Variants in DNAJB13 observed in about 807,000 individuals in gnomAD.
DNAJB13 encodes dnaJ homolog subfamily B member 13.
A neutral mutation model predicts 35.6 loss-of-function variants in DNAJB13; 22 were observed. The ratio of observed to expected loss-of-function variants is 0.62; its 90% CI spans 0.44 to 0.88. The LOEUF (loss-of-function observed/expected upper bound fraction) is 0.88, where lower values mean the gene tolerates loss of function less well. Ranked by LOEUF, DNAJB13 falls within the 40% of genes least tolerant of loss-of-function variation. The pLI, the probability that DNAJB13 is intolerant of heterozygous loss-of-function variation, is 0.00. For synonymous variants in DNAJB13, 136 were observed against 144.2 expected (o/e 0.94, Z 0.41); for missense variants, 370 against 384.3 (o/e 0.96, Z 0.31).
intron 3 of DNAJB13, chr11:73,964,572 G>A (rs1187656032): frequency 5.8e-6 from 2 of 345,428 alleles, no homozygotes; most frequent in East Asian, 1.5e-4. Context: ...AAGAGAGACG[G>A]GGAAGCGTTG....
chr11:73,964,736 A>T (rs566376042), intron 3 of DNAJB13, 142 bp from the exon 4 acceptor site: 33 of 897,542 alleles, frequency 3.7e-5, no homozygotes, highest in Non-Finnish European at 5.7e-5. Flanking sequence ...GACACTGAAG[A>T]GGTTGGGGAG....
chr11:73,951,558 C>G (rs71464099), intron 1 of DNAJB13, among the ~76,000 whole-genome samples: 8,157 of 152,308 alleles, frequency 0.054, 257 homozygotes, highest in Middle Eastern at 0.099. Context: ...AAACTACATT[C>G]CTGAATACTT....
intron 4 of DNAJB13, 163 bp from the exon 5 acceptor site, chr11:73,965,975 G>A (rs1304964606): frequency 1.5e-6 from 1 of 658,616 alleles, no homozygotes; most frequent in South Asian, 1.8e-5. Context: ...CCCATTGCTG[G>A]AGGCTCTTCC....
rs76033895 is a variant in DNAJB13 at position 73,952,179 on chromosome 11, G to A, written c.68+1042G>A. ...TATGGGGGGCTGTGGAAGTTATCTT[G>A]GAAGGAGAGAGACCCTTTAGGAGGC... On this transcript the variant is annotated intron_variant, in intron 1 of 7. Coordinates refer to ENST00000339764, the MANE Select transcript of DNAJB13 (RefSeq NM_153614.4). Among the ~76,000 whole-genome samples the A allele has an allele frequency of 9.4e-3, 1,439 of 152,304 alleles. 16 individuals are homozygous for A. Among genetic ancestry groups the A allele is most frequent in the Middle Eastern group, 0.027 (8 of 294 alleles).
intron 3 of DNAJB13, among the ~76,000 whole-genome samples, chr11:73,962,087 C>T (rs1952830848): frequency 6.6e-6 from 1 of 152,146 alleles, no homozygotes; most frequent in Admixed American, 6.6e-5. Flanking sequence ...GCCACCATGC[C>T]AGGTCTAATT....
intron 1 of DNAJB13, among the ~76,000 whole-genome samples, chr11:73,957,029 G>C (rs1412987191): frequency 3.3e-5 from 5 of 152,080 alleles, no homozygotes; most frequent in Non-Finnish European, 5.9e-5. Context: ...AGAAAAGCGG[G>C]TGGAGGCAAG....
At chr11:73,956,754 G>A (rs1475810757) in intron 1 of DNAJB13, among the ~76,000 whole-genome samples, 1 of 143,938 alleles carries the variant, frequency 6.9e-6, no homozygotes, top group African/African-American at 2.6e-5. Context: ...AGTGAGTAGA[G>A]ATTGTGCCAT....
chr11:73,962,516 C>T (rs1950963528), intron 3 of DNAJB13, among the ~76,000 whole-genome samples: 1 of 142,764 alleles, frequency 7.0e-6, no homozygotes, highest in East Asian at 1.9e-4. Context: ...TGGATGGGTG[C>T]GTGATTCCAG....
intron 5 of DNAJB13, among the ~76,000 whole-genome samples, chr11:73,967,273 GGT>G (rs1285182844): frequency 2.0e-5 from 3 of 152,126 alleles, no homozygotes; most frequent in Non-Finnish European, 4.4e-5. Context: ...TGGGATTAAA[GGT>G]GTGAGCCACC....
intron 1 of DNAJB13, among the ~76,000 whole-genome samples, chr11:73,954,294 C>A (rs35953544): frequency 0.079 from 11,889 of 150,322 alleles, 573 homozygotes; most frequent in African/African-American, 0.13. Context: ...CCATTGCACT[C>A]CAGCCTGGGT....
chr11:73,955,162 T>C (rs972000617), intron 1 of DNAJB13, among the ~76,000 whole-genome samples: 3 of 151,924 alleles, frequency 2.0e-5, no homozygotes, highest in Non-Finnish European at 4.4e-5. Context: ...TTGCCCAGGA[T>C]TCATAATTGC....
At chr11:73,960,473 C>T (rs576497198) in intron 3 of DNAJB13, among the ~76,000 whole-genome samples, 26 of 152,158 alleles carry the variant, frequency 1.7e-4, no homozygotes, top group South Asian at 4.2e-4. Context: ...TGAGTCACCA[C>T]GCCCAGCTAA....
intron 2 of DNAJB13, 148 bp from the exon 3 acceptor site, chr11:73,959,346 C>T: frequency 2.5e-6 from 2 of 796,576 alleles, no homozygotes; most frequent in East Asian, 2.9e-5. Context: ...CTCCTAGGGT[C>T]TCATTCCAAA....
At chr11:73,964,812 T>TGTGTGCGCGCGC (rs1491290663) in intron 3 of DNAJB13, 66 bp from the exon 4 acceptor site, 31 of 698,204 alleles carry the variant, frequency 4.4e-5, no homozygotes, top group Admixed American at 1.4e-4. Context: ...TGTGTGTGTG[T>TGTGTGCGCGCGC]GCGCGCGCGC....
Position 73,965,023 on chromosome 11 carries a change from G to A in DNAJB13, c.480G>A (p.Lys160=). ...TCTTTGGCTGCACCAAAAAAATTAA[G>A]ATCTCCAGAAGGGTGAGTACTCAGC... ...DLFFGCTKKI[K]ISRRVLNEDG... is the part of the protein sequence containing the mutation. Residue 160 remains lysine (K), a synonymous_variant, in exon 4 of 8, where the codon AAG becomes AAA. Coordinates refer to ENST00000339764, the MANE Select transcript of DNAJB13 (RefSeq NM_153614.4). 1 of 1,591,150 alleles carries A rather than the reference G, an allele frequency of 6.3e-7. No homozygotes were observed. Among genetic ancestry groups the A allele is most frequent in the East Asian group, 2.2e-5 (1 of 44,698 alleles).
chr11:73,966,073 G>A (rs1030883181), intron 4 of DNAJB13, 65 bp from the exon 5 acceptor site: 10 of 1,447,398 alleles, frequency 6.9e-6, no homozygotes, highest in Middle Eastern at 3.5e-4. Context: ...GAAAATCTGA[G>A]CAAATCTCGA....
chr11:73,969,980 G>T lies in DNAJB13; in HGVS notation c.817G>T (p.Val273Leu). 6.2e-7 allele frequency: 1 copy of T among 1,610,586 alleles called. No homozygotes were observed. Among genetic ancestry groups the T allele is most frequent in the South Asian group, 1.1e-5 (1 of 90,086 alleles). ...TTTCAGCCCCAAATACTTCAAGAAG[G>T]TGCCAGGGGAGGGGATGCCATTGCC... ...DIIHPKYFKK[V>L]PGEGMPLPED... Residue 273 changes from valine to leucine, a missense_variant, in exon 8 of 8, where the codon GTG (valine) becomes TTG (leucine). By Grantham distance (32) the Val-to-Leu change is conservative (BLOSUM62 1). Coordinates refer to ENST00000339764, the MANE Select transcript of DNAJB13 (RefSeq NM_153614.4).
intron 1 of DNAJB13, among the ~76,000 whole-genome samples, chr11:73,954,880 G>A (rs1387190276): frequency 6.6e-6 from 1 of 152,068 alleles, no homozygotes; most frequent in Non-Finnish European, 1.5e-5. Flanking sequence ...GAACCTGGGA[G>A]GTGGAGGTTG....
intron 3 of DNAJB13, among the ~76,000 whole-genome samples, chr11:73,960,165 TTTTC>T (rs1188420830): frequency 2.0e-5 from 3 of 152,000 alleles, no homozygotes; most frequent in Non-Finnish European, 2.9e-5. Context: ...TCCATTTTCT[TTTTC>T]TTTCTTTCTT....
Sources: allele counts gnomAD v4.1 joint callset (sites outside exome capture counted in the v4.1 genomes callset), GRCh38; gene constraint gnomAD v4.1.1; transcripts MANE v1.5; gene names NCBI Gene and HGNC (gene_info 2026-07-23, HGNC 2026-07-21).